Variants in ARHGEF17 observed in about 807,000 individuals in gnomAD.
ARHGEF17 encodes the protein 164 kDa Rho-specific guanine-nucleotide exchange factor.
In ARHGEF17, 80 loss-of-function variants were observed where a neutral mutation model predicts 174.0. The observed-to-expected ratio is 0.46, with a 90% CI of 0.38 to 0.55. The LOEUF is 0.55. Among genes scored for constraint, ARHGEF17 ranks in the 20% least tolerant of loss-of-function variants. The pLI, the probability that ARHGEF17 is intolerant of heterozygous loss-of-function variation, is 0.00. For synonymous variants in ARHGEF17, 1,311 were observed against 1,189.1 expected, an observed-to-expected ratio of 1.10 and a Z score of -2.11; for missense variants, 2,886 against 2,839.7, an observed-to-expected ratio of 1.02 and a Z score of -0.37.
chr11:73,364,808 T>C, intron 18 of ARHGEF17: 1 of 610,288 alleles, frequency 1.6e-6, no homozygotes. Context: ...GTGTCCCATA[T>C]ACATTAGGAA....
Position 73,310,191 on chromosome 11 carries a change from A to AACCCAT in ARHGEF17, c.1560_1565dup (p.Ile522_Pro523dup), listed in dbSNP as rs775870095. 6.2e-7 allele frequency: 1 copy of AACCCAT among 1,613,896 alleles called. No individual in the cohort carries two copies. Among genetic ancestry groups the AACCCAT allele is most frequent in the Non-Finnish European group, 8.5e-7 (1 of 1,180,006 alleles). Reference sequence around the variant, plus strand: ...GCAGGTGGCCCTGTGGGGCAACTTGAACCCATACCCATCCCAGCCCCAGCA... The same window carrying AACCCAT: ...GCAGGTGGCCCTGTGGGGCAACTTGAACCCATACCCATACCCATCCCAGCCCCAGCA... On this transcript the variant is annotated inframe_insertion, in exon 1 of 21. Coordinates refer to ENST00000263674, the MANE Select transcript of ARHGEF17 (RefSeq NM_014786.4).
rs1012961616 is a variant in ARHGEF17, at chr11:73,338,758, G to C, written c.3193-8125G>C. ...AGTGGGGCTCTCCCCACTGGGGAGAGGGTGGGGTTTAGGAGCCTGGGCCCT... is the reference window on the plus strand; with the variant it reads ...AGTGGGGCTCTCCCCACTGGGGAGACGGTGGGGTTTAGGAGCCTGGGCCCT... On this transcript the variant is annotated intron_variant, in intron 1 of 20. Coordinates refer to ENST00000263674, the MANE Select transcript of ARHGEF17 (RefSeq NM_014786.4). Among the ~76,000 whole-genome samples the C allele has an allele frequency of 3.3e-5, 5 of 151,956 alleles. 1 individual carries two copies. Among genetic ancestry groups the C allele is most frequent in the Admixed American group, 3.3e-4 (5 of 15,264 alleles).
At chr11:73,345,576 G>T (rs1052531714) in intron 1 of ARHGEF17, among the ~76,000 whole-genome samples, 1 of 152,178 alleles carries the variant, frequency 6.6e-6, no homozygotes, top group African/African-American at 2.4e-5. Context: ...TGAGCCCTGG[G>T]CATAGCAGTG....
Position 73,308,586 on chromosome 11 carries a change from G to A in ARHGEF17, c.-53G>A, listed in dbSNP as rs1043354963. 6 of 1,368,286 alleles carry A rather than the reference G, an allele frequency of 4.4e-6. No individual in the cohort carries two copies. The highest frequency in any genetic ancestry group is 3.1e-5 in the African/African-American group (2 of 64,950). 84.8% of individuals were successfully genotyped at this position (1,368,286 alleles called of 1,614,324 possible). On this transcript the variant is annotated 5_prime_UTR_variant, in exon 1 of 21. Coordinates refer to ENST00000263674, the MANE Select transcript of ARHGEF17 (RefSeq NM_014786.4). The stretch of plus-strand genomic sequence containing the variant: ...GCTCCTAGGGAGTGGGGGCGCAGGG[G>A]GGGTTGGCCGCGGCTGCCCGAGGCC...
In ARHGEF17 at chr11:73,352,815, C is replaced by G; in HGVS notation, c.3271-15C>G. 1 of 1,613,628 alleles carries G rather than the reference C, an allele frequency of 6.2e-7. No homozygotes were observed. Among genetic ancestry groups the G allele is most frequent in the South Asian group, 1.1e-5 (1 of 91,076 alleles). ...ATCTCTGAGGGAGTGTGCACCGACC[C>G]TGTGGGTCCTTCAGGGCTACATGCA... On this transcript the variant is annotated splice_polypyrimidine_tract_variant and intron_variant, in intron 2 of 20. Transcript: ENST00000263674.
Position 73,355,827 on chromosome 11 carries a change from C to G in ARHGEF17, c.3571-34C>G, listed in dbSNP as rs1158354200. On this transcript the variant is annotated intron_variant, in intron 4 of 20. Transcript: ENST00000263674. Reference sequence around the variant, plus strand: ...CCTGGACATAGTCTTCCTGGCATGTCATTCCTCACATGATGCCCATCCATG... The same window carrying G: ...CCTGGACATAGTCTTCCTGGCATGTGATTCCTCACATGATGCCCATCCATG... 1.3e-5 allele frequency: 21 copies of G among 1,611,304 alleles called. No homozygotes were observed. The Admixed American group carries it at 3.5e-4, about 27-fold the overall frequency.
chr11:73,341,480 AT>A lies in ARHGEF17; in HGVS notation c.3193-5392del, dbSNP rs1386980443. Among the ~76,000 whole-genome samples the A allele has an allele frequency of 7.3e-3, 1,060 of 145,980 alleles. 9 individuals carry two copies. Among genetic ancestry groups the A allele is most frequent in the African/African-American group, 0.024 (952 of 39,884 alleles). ...CGCCACCACACCTGGCTAATTTTGT[AT>A]TTTTTTTTTTAATAGAGATGGGGTT... On this transcript the variant is annotated intron_variant, in intron 1 of 20. Coordinates refer to ENST00000263674, the MANE Select transcript of ARHGEF17 (RefSeq NM_014786.4).
chr11:73,311,638 A>G lies in ARHGEF17; in HGVS notation c.3000A>G (p.Ala1000=). 10 of 1,613,302 alleles carry G rather than the reference A, an allele frequency of 6.2e-6. No individual in the cohort carries two copies. The highest frequency in any genetic ancestry group is 8.5e-6 in the Non-Finnish European group (10 of 1,179,898). ...FPTRAHPTLQ[A]PSLEDVTKQY... is the part of the protein sequence containing the mutation. ...CCCGAGCCCATCCCACGTTGCAGGCACCATCGCTCGAGGACGTCACCAAGC... is the reference window on the plus strand; with the variant it reads ...CCCGAGCCCATCCCACGTTGCAGGCGCCATCGCTCGAGGACGTCACCAAGC... The change falls in exon 1 of 21, where the codon GCA becomes GCG. Residue 1000 remains alanine (A), a synonymous_variant. Transcript: ENST00000263674.
intron 1 of ARHGEF17, chr11:73,343,120 C>T (rs931843509): frequency 2.7e-6 from 1 of 376,990 alleles, no homozygotes; most frequent in Non-Finnish European, 4.7e-6. Flanking sequence ...CCGGCGCCCC[C>T]GCCCCAGCGG....
intron 1 of ARHGEF17, among the ~76,000 whole-genome samples, chr11:73,322,526 G>A (rs1411820590): frequency 6.6e-6 from 1 of 152,164 alleles, no homozygotes; most frequent in Non-Finnish European, 1.5e-5. Flanking sequence ...ACACTGTAAG[G>A]GGTCACTGAG....
rs192146535 is a variant in ARHGEF17 at position 73,330,115 on chromosome 11, T to G, written c.3193-16768T>G. ...TTTGTCTATTTTTCTGTTGGGTTGT[T>G]GGCCTTTTGTTTTTATCAGTTTCTA... On this transcript the variant is annotated intron_variant, in intron 1 of 20. Transcript: ENST00000263674. Among the ~76,000 whole-genome samples, 122 of 152,382 alleles carry G rather than the reference T, an allele frequency of 8.0e-4. 1 individual carries two copies. The highest frequency in any genetic ancestry group is 2.8e-3 in the African/African-American group (116 of 41,602).
chr11:73,352,588 A>C (rs751523382), intron 2 of ARHGEF17, among the ~76,000 whole-genome samples: 1 of 152,156 alleles, frequency 6.6e-6, no homozygotes, highest in African/African-American at 2.4e-5. Context: ...ACATTAAACA[A>C]ACCTCTTCCT....
At chr11:73,366,050 C>T in intron 20 of ARHGEF17, 103 bp downstream of exon 20, 2 of 1,440,630 alleles carry the variant, frequency 1.4e-6, no homozygotes, top group Non-Finnish European at 1.9e-6. Context: ...AAAAGTGTCA[C>T]ATAGAGCTGG....
Position 73,367,813 on chromosome 11 carries a change from C to A in ARHGEF17, c.*33C>A. On this transcript the variant is annotated 3_prime_UTR_variant, in exon 21 of 21. Coordinates refer to ENST00000263674, the MANE Select transcript of ARHGEF17 (RefSeq NM_014786.4). ...TGCCGTGGCCCAGGACTCGCCCGCC[C>A]ACCTGCCTTCAGCCTGCTTGCCTCT... The A allele has an allele frequency of 6.3e-7, 1 of 1,578,004 alleles. No homozygotes were observed.
Position 73,310,305 on chromosome 11 carries a change from G to A in ARHGEF17, c.1667G>A (p.Arg556His), listed in dbSNP as rs373537661. ...ACCTGCTCTGAGAAGCCCATGGCCC[G>A]CCGCCTGCCCCGCACCAGTGCTCTG... ...SFTCSEKPMA[R>H]RLPRTSALKS... The change falls in exon 1 of 21, where the codon CGC (arginine) becomes CAC (histidine). Residue 556 changes from arginine to histidine, a missense_variant. Arg to His is a conservative substitution (Grantham distance 29, BLOSUM62 0). Coordinates refer to ENST00000263674, the MANE Select transcript of ARHGEF17 (RefSeq NM_014786.4). 1 of 1,613,732 alleles carries A rather than the reference G, an allele frequency of 6.2e-7. No individual in the cohort carries two copies. The highest frequency in any genetic ancestry group is 8.5e-7 in the Non-Finnish European group (1 of 1,179,992).
At position 73,344,461 on chromosome 11, in the gene ARHGEF17, G is replaced by A. The variant is rs562161366; in HGVS notation, c.3193-2422G>A. Among the ~76,000 whole-genome samples, 15 of 152,344 alleles carry A rather than the reference G, an allele frequency of 9.8e-5. No homozygotes were observed. In the South Asian group the frequency reaches 1.7e-3, roughly 17 times the overall value. ...CCAGCCTCCCGGCATCAGGCACAGC[G>A]CCAGCCCTGCCTCTCAGGAAGCCTC... On this transcript the variant is annotated intron_variant, in intron 1 of 20. Transcript: ENST00000263674.
chr11:73,360,230 T>G, intron 10 of ARHGEF17, 90 bp from the exon 11 acceptor site: 1 of 1,441,744 alleles, frequency 6.9e-7, no homozygotes, highest in Non-Finnish European at 9.6e-7. Flanking sequence ...ACTTGCTGTC[T>G]AAGGAGAGAG....
chr11:73,361,630 G>C (rs1865739386), intron 12 of ARHGEF17, among the ~76,000 whole-genome samples: 1 of 152,192 alleles, frequency 6.6e-6, no homozygotes, highest in Non-Finnish European at 1.5e-5. Context: ...GTGGGGCCAA[G>C]TTAGGAGGAT....
chr11:73,344,857 C>T (rs753788265), intron 1 of ARHGEF17, among the ~76,000 whole-genome samples: 33 of 152,166 alleles, frequency 2.2e-4, no homozygotes, highest in Non-Finnish European at 4.3e-4. Flanking sequence ...GGGCTGGGGC[C>T]CTGAGAGTCA....
Sources: allele counts gnomAD v4.1 joint callset (sites outside exome capture counted in the v4.1 genomes callset), GRCh38; gene constraint gnomAD v4.1.1; transcripts MANE v1.5; gene names NCBI Gene and HGNC (gene_info 2026-07-23, HGNC 2026-07-21).